ZNF544: variants seen among roughly 807,000 people sequenced by gnomAD.
ZNF544 encodes the protein zinc finger protein 544, also known as zinc finger protein AF020591.
A neutral mutation model predicts 13.5 loss-of-function variants in ZNF544; 10 were observed. The ratio of observed to expected loss-of-function variants is 0.74; its 90% CI spans 0.46 to 1.25. ZNF544 has a LOEUF of 1.25. Ranked by LOEUF, ZNF544 falls within the 50% of genes most tolerant of loss-of-function variation. ZNF544 has a pLI of 0.00. For synonymous variants in ZNF544, 323 were observed against 300.5 expected (o/e 1.07, Z -0.77); for missense variants, 896 against 845.6 (o/e 1.06, Z -0.74).
chr19:58,272,141 A>G (rs2050710066), intron 5 of ZNF544, among the ~76,000 whole-genome samples: 1 of 150,828 alleles, frequency 6.6e-6, no homozygotes, highest in Non-Finnish European at 1.5e-5. Context: ...AGCCTGGGCA[A>G]CAGAGTGAGA....
intron 3 of ZNF544, among the ~76,000 whole-genome samples, chr19:58,231,448 TG>T (rs1323554231): frequency 1.3e-5 from 2 of 152,224 alleles, no homozygotes; most frequent in African/African-American, 4.8e-5. Context: ...GTACAGTGCC[TG>T]GCCTGTAGGA....
chr19:58,268,866 T>C (rs1033211693), downstream of ZNF544, among the ~76,000 whole-genome samples: 2 of 152,212 alleles, frequency 1.3e-5, no homozygotes, highest in African/African-American at 4.8e-5. Context: ...ACCAGCTACA[T>C]AGGATAGGGC....
chr19:58,272,910 G>A (rs968622330), intron 5 of ZNF544, among the ~76,000 whole-genome samples: 2 of 151,388 alleles, frequency 1.3e-5, no homozygotes, highest in Admixed American at 1.3e-4. Flanking sequence ...AAGGCCGGGC[G>A]CGGTGGCTCA....
In ZNF544 at chr19:58,246,701, C is replaced by G; in HGVS notation, c.161-10C>G. The G allele has an allele frequency of 6.2e-7, 1 of 1,613,840 alleles. No individual in the cohort carries two copies. The highest frequency in any genetic ancestry group is 8.5e-7 in the Non-Finnish European group (1 of 1,179,900). On this transcript the variant is annotated splice_polypyrimidine_tract_variant and intron_variant, in intron 5 of 6. Coordinates refer to ENST00000687789, the MANE Select transcript of ZNF544 (RefSeq NM_014480.4). Reference sequence around the variant, plus strand: ...GCAGAGGGGCAAGTCCTTTTTCCGTCTTTGACCAGGGCTTTTCCTTTCCAA... The same window carrying G: ...GCAGAGGGGCAAGTCCTTTTTCCGTGTTTGACCAGGGCTTTTCCTTTCCAA...
chr19:58,262,135 A>C lies in ZNF544; in HGVS notation c.1529A>C (p.His510Pro), dbSNP rs1235564626. The C allele has an allele frequency of 1.5e-5, 24 of 1,613,558 alleles. No individual in the cohort carries two copies. Among genetic ancestry groups the C allele is most frequent in the Non-Finnish European group, 1.9e-5 (22 of 1,179,926 alleles). The change falls in exon 7 of 7, where the codon CAT (histidine) becomes CCT (proline). Residue 510 changes from histidine to proline, a missense_variant. Transcript: ENST00000687789. Reference protein sequence around the residue: ...SFSQKYDLVVHQRTHTGEKPY... With the variant: ...SFSQKYDLVVPQRTHTGEKPY... ...AGCCAGAAGTATGACCTTGTTGTACATCAGAGGACACACACTGGAGAGAAG... is the reference window on the plus strand; with the variant it reads ...AGCCAGAAGTATGACCTTGTTGTACCTCAGAGGACACACACTGGAGAGAAG...
chr19:58,258,493 C>CTGGGTGTG (rs2048126444), intron 6 of ZNF544: 3 of 90,416 alleles, frequency 3.3e-5, no homozygotes, highest in African/African-American at 1.7e-4. Flanking sequence ...GGTGCGAGGG[C>CTGGGTGTG]ACCAGGTGTG....
At position 58,261,124 on chromosome 19, in the gene ZNF544, T is replaced by G. The variant is rs1395979199; in HGVS notation, c.518T>G (p.Leu173Arg). Residue 173 changes from leucine to arginine, a missense_variant, in exon 7 of 7, where the codon CTT becomes CGT. Coordinates refer to ENST00000687789, the MANE Select transcript of ZNF544 (RefSeq NM_014480.4). The stretch of plus-strand genomic sequence containing the variant: ...TATTCTCTACCTTCTACTTTAAGCC[T>G]TCTACCTACAACATTACCTACAAGT... ...GGYSLPSTLS[L>R]LPTTLPTSTG... is the part of the protein sequence containing the mutation. The G allele has an allele frequency of 1.2e-6, 2 of 1,614,044 alleles. No homozygotes were observed. The highest frequency in any genetic ancestry group is 2.7e-5 in the African/African-American group (2 of 74,904).
intron 5 of ZNF544, among the ~76,000 whole-genome samples, chr19:58,269,248 G>C (rs776064518): frequency 6.7e-6 from 1 of 150,318 alleles, no homozygotes; most frequent in African/African-American, 2.4e-5. Context: ...CAGCCTGGCC[G>C]ACATTGTGAA....
intron 5 of ZNF544, among the ~76,000 whole-genome samples, chr19:58,269,843 C>T (rs2050411959): frequency 6.6e-6 from 1 of 152,056 alleles, no homozygotes; most frequent in South Asian, 2.1e-4. Flanking sequence ...ATCACTTGAA[C>T]CTGGGAGGCA....
chr19:58,274,425 C>T (rs923678187), intron 5 of ZNF544, among the ~76,000 whole-genome samples: 2 of 152,146 alleles, frequency 1.3e-5, no homozygotes, highest in African/African-American at 4.8e-5. Context: ...AAGACAAAGT[C>T]AGACATCTAC....
chr19:58,260,634 G>C, intron 6 of ZNF544: 1 of 498,512 alleles, frequency 2.0e-6, no homozygotes, highest in Non-Finnish European at 3.5e-6. Flanking sequence ...GTGTTACTTA[G>C]TCACTTCTTT....
At chr19:58,244,765 C>T (rs2044711419) in intron 4 of ZNF544, among the ~76,000 whole-genome samples, 1 of 152,018 alleles carries the variant, frequency 6.6e-6, no homozygotes, top group African/African-American at 2.4e-5. Flanking sequence ...TTAGTGGGGA[C>T]AGGGTTTTGC....
chr19:58,277,153 G>A (rs2051282220), intron 6 of ZNF544: 1 of 1,231,140 alleles, frequency 8.1e-7, no homozygotes, highest in African/African-American at 1.6e-5. Flanking sequence ...ATAATTTTGT[G>A]TAACTTGCCT....
chr19:58,274,049 C>T (rs1452137841), intron 5 of ZNF544, among the ~76,000 whole-genome samples: 1 of 152,168 alleles, frequency 6.6e-6, no homozygotes, highest in Non-Finnish European at 1.5e-5. Flanking sequence ...CCACCTCCGC[C>T]TCCCAAAGTG....
Position 58,246,427 on chromosome 19 carries a change from G to A in ZNF544, c.160G>A (p.Gly54Arg), listed in dbSNP as rs770014705. 2.5e-6 allele frequency: 4 copies of A among 1,613,984 alleles called. No individual in the cohort carries two copies. Among genetic ancestry groups the A allele is most frequent in the South Asian group, 2.2e-5 (2 of 91,054 alleles). The change falls in exon 5 of 7, where the codon GGG becomes AGG. Residue 54 changes from glycine to arginine, a missense_variant and splice_region_variant. Coordinates refer to ENST00000687789, the MANE Select transcript of ZNF544 (RefSeq NM_014480.4). ...LETWEHIVSL[G>R]LFLSKSDVIS... ...GACCTGGGAGCATATTGTCTCCCTG[G>A]GTAAGTGGCTGTGCTCATGGAAGGA... is the stretch of plus-strand genomic sequence containing the variant.
At chr19:58,244,123 A>C (rs1600270677) in intron 4 of ZNF544, 67 bp downstream of exon 4, 46 of 1,377,352 alleles carry the variant, frequency 3.3e-5, no homozygotes, top group Admixed American at 1.0e-4. Flanking sequence ...CAGGAATAGC[A>C]CCCGCCCCTG....
At chr19:58,244,682 C>T (rs1280144077) in intron 4 of ZNF544, among the ~76,000 whole-genome samples, 1 of 151,604 alleles carries the variant, frequency 6.6e-6, no homozygotes, top group Non-Finnish European at 1.5e-5. Context: ...CTCAAGCGAT[C>T]CTCCCACCTC....
At chr19:58,240,974 GTTA>G (rs765953549) in intron 3 of ZNF544, among the ~76,000 whole-genome samples, 45 of 146,094 alleles carry the variant, frequency 3.1e-4, no homozygotes, top group Non-Finnish European at 1.9e-4. Flanking sequence ...TTTTCTTTTT[GTTA>G]TTGTTGTTGT....
At chr19:58,270,216 A>G (rs2050457254) in intron 5 of ZNF544, among the ~76,000 whole-genome samples, 1 of 152,162 alleles carries the variant, frequency 6.6e-6, no homozygotes. Flanking sequence ...TGAAATTTGA[A>G]TAAAGGAGGA....
Sources: allele counts gnomAD v4.1 joint callset (sites outside exome capture counted in the v4.1 genomes callset), GRCh38; gene constraint gnomAD v4.1.1; transcripts MANE v1.5; gene names NCBI Gene and HGNC (gene_info 2026-07-23, HGNC 2026-07-21).